Variants in SNX18 observed in about 807,000 individuals in gnomAD.
SNX18 encodes sorting nexin 18.
SNX18 carries 35 observed loss-of-function variants against 48.7 expected under a neutral mutation model. That is an observed-to-expected ratio of 0.72 (90% confidence interval 0.55 to 0.95). SNX18 has a LOEUF of 0.95. Among genes scored for constraint, SNX18 ranks in the 40% least tolerant of loss-of-function variants. SNX18 has a pLI of 0.00. For synonymous variants in SNX18, 492 were observed against 384.7 expected, an observed-to-expected ratio of 1.28 and a Z score of -3.26; for missense variants, 824 against 871.0, an observed-to-expected ratio of 0.95 and a Z score of 0.68.
the SNX18 span, among the ~76,000 whole-genome samples, chr5:54,587,406 T>C: frequency 6.6e-6 from 1 of 152,146 alleles, no homozygotes; most frequent in Admixed American, 6.5e-5. Flanking sequence ...GGCAAAGACA[T>C]AATCTATTGC....
At chr5:54,618,025 CATCTTG>C in the SNX18 span, among the ~76,000 whole-genome samples, 1 of 152,146 alleles carries the variant, frequency 6.6e-6, no homozygotes, top group Admixed American at 6.6e-5. Context: ...ATCCAAATCT[CATCTTG>C]AATTGTAGTT....
the SNX18 span, among the ~76,000 whole-genome samples, chr5:54,580,930 GTGGCGTGAAGC>G: frequency 0.51 from 76,887 of 151,804 alleles, 20,210 homozygotes; most frequent in Non-Finnish European, 0.59. Context: ...AGTGTCAGAA[GTGGCGTGAAGC>G]TGGGGTCAGG....
At chr5:54,557,063 A>G in the SNX18 span, among the ~76,000 whole-genome samples, 1 of 152,224 alleles carries the variant, frequency 6.6e-6, no homozygotes, top group Non-Finnish European at 1.5e-5. Context: ...CCATCAGTTG[A>G]TCAGCAAAGA....
the SNX18 span, among the ~76,000 whole-genome samples, chr5:54,591,035 C>T: frequency 6.6e-6 from 1 of 152,086 alleles, no homozygotes; most frequent in Admixed American, 6.5e-5. Flanking sequence ...TTCTTCCTTC[C>T]CCTGATGTCC....
chr5:54,572,774 A>ATAT, the SNX18 span, among the ~76,000 whole-genome samples: 3 of 38,408 alleles, frequency 7.8e-5, no homozygotes, highest in African/African-American at 1.0e-4. Context: ...ATATATATAT[A>ATAT]TTTTTTTTTT....
At chr5:54,576,943 G>C in the SNX18 span, among the ~76,000 whole-genome samples, 1 of 151,754 alleles carries the variant, frequency 6.6e-6, no homozygotes, top group Non-Finnish European at 1.5e-5. Flanking sequence ...CTGGGATTAC[G>C]GGCGCCCACC....
At chr5:54,556,901 TAAG>T in the SNX18 span, among the ~76,000 whole-genome samples, 1 of 152,346 alleles carries the variant, frequency 6.6e-6, no homozygotes, top group East Asian at 1.9e-4. Context: ...CCATTTACAT[TAAG>T]AAGCTGATAG....
At chr5:54,528,529 G>C (rs1169341853) in intron 1 of SNX18, among the ~76,000 whole-genome samples, 1 of 152,192 alleles carries the variant, frequency 6.6e-6, no homozygotes, top group African/African-American at 2.4e-5. Context: ...TTTTGGAGGA[G>C]TGTAGGTGGA....
the SNX18 span, among the ~76,000 whole-genome samples, chr5:54,597,806 C>A: frequency 6.6e-6 from 1 of 152,046 alleles, no homozygotes; most frequent in African/African-American, 2.4e-5. Flanking sequence ...CAAATCTACA[C>A]CCTAGCACCA....
the SNX18 span, among the ~76,000 whole-genome samples, chr5:54,570,997 T>C: frequency 3.9e-5 from 6 of 152,206 alleles, no homozygotes; most frequent in Admixed American, 3.9e-4. Context: ...TGCCAAGTGT[T>C]AAGAAATGAG....
chr5:54,588,183 G>A, the SNX18 span, among the ~76,000 whole-genome samples: 703 of 151,632 alleles, frequency 4.6e-3, 10 homozygotes, highest in South Asian at 0.032. Flanking sequence ...CCAAAAGAAT[G>A]CCTAAAAATT....
At chr5:54,606,678 C>A in the SNX18 span, among the ~76,000 whole-genome samples, 1 of 152,202 alleles carries the variant, frequency 6.6e-6, no homozygotes, top group Non-Finnish European at 1.5e-5. Flanking sequence ...TTTAAGAAAT[C>A]AGACGGCTAG....
the SNX18 span, among the ~76,000 whole-genome samples, chr5:54,624,275 G>A: frequency 1.3e-5 from 2 of 152,106 alleles, no homozygotes; most frequent in African/African-American, 4.8e-5. Flanking sequence ...GAATTCTCCT[G>A]GTATTCAAGT....
At chr5:54,627,876 C>A in the SNX18 span, among the ~76,000 whole-genome samples, 1 of 152,278 alleles carries the variant, frequency 6.6e-6, no homozygotes, top group East Asian at 1.9e-4. Flanking sequence ...AACTAAACAC[C>A]CATTGGCTAT....
At chr5:54,524,815 G>C (rs988140656) in intron 1 of SNX18, among the ~76,000 whole-genome samples, 1 of 152,224 alleles carries the variant, frequency 6.6e-6, no homozygotes, top group East Asian at 1.9e-4. Context: ...GGCTGGGTAG[G>C]CCTCTGGTCT....
At chr5:54,578,854 C>G in the SNX18 span, among the ~76,000 whole-genome samples, 1 of 152,130 alleles carries the variant, frequency 6.6e-6, no homozygotes, top group African/African-American at 2.4e-5. Flanking sequence ...GGACTCAATC[C>G]TAGGTGGTGG....
chr5:54,549,970 T>G (rs1293458003), downstream of SNX18, among the ~76,000 whole-genome samples: 1 of 152,232 alleles, frequency 6.6e-6, no homozygotes, highest in Non-Finnish European at 1.5e-5. Flanking sequence ...TGCAGAGTCT[T>G]AGTTCAAAAT....
chr5:54,557,333 T>C, the SNX18 span, among the ~76,000 whole-genome samples: 1 of 152,244 alleles, frequency 6.6e-6, no homozygotes, highest in African/African-American at 2.4e-5. Flanking sequence ...TTGCAACTTA[T>C]GTGATTGTAA....
intron 1 of SNX18, among the ~76,000 whole-genome samples, chr5:54,535,194 C>T (rs969264561): frequency 9.2e-5 from 14 of 152,134 alleles, no homozygotes; most frequent in African/African-American, 3.1e-4. Context: ...TTGCTTTGGT[C>T]TTTTCAGCCT....
Sources: allele counts gnomAD v4.1 joint callset (sites outside exome capture counted in the v4.1 genomes callset), GRCh38; gene constraint gnomAD v4.1.1; transcripts MANE v1.5; gene names NCBI Gene and HGNC (gene_info 2026-07-23, HGNC 2026-07-21).